Variants in ABCC6 observed in about 807,000 individuals in gnomAD.
The protein encoded by ABCC6 is ATP-binding cassette sub-family C member 6.
In ABCC6, 126 loss-of-function variants were observed where a neutral mutation model predicts 169.5. That is an observed-to-expected ratio of 0.74 (90% CI 0.64 to 0.86). The LOEUF (loss-of-function observed/expected upper bound fraction) is 0.86. ABCC6 is among the 40% of genes least tolerant of loss of function. The probability of loss-of-function intolerance (pLI) is 0.00; values close to 1 mark genes in which losing one functional copy is unlikely to be tolerated. For missense variants in ABCC6, 1,733 were observed against 1,927.2 expected (o/e 0.90, Z 1.89); for synonymous variants, 752 against 814.7 (o/e 0.92, Z 1.31).
rs2046864174 is a variant in ABCC6, at chr16:16,166,036, A to G, written c.2996-103T>C. 15 of 1,184,390 alleles carry G rather than the reference A, an allele frequency of 1.3e-5. 1 individual carries two copies. In the South Asian group the frequency reaches 2.0e-4, roughly 16 times the overall value. 73.4% of individuals were successfully genotyped at this position (1,184,390 alleles called of 1,614,324 possible). A position where few individuals can be genotyped will look rare whatever the true frequency, so the allele number is the denominator to read the frequency against. On this transcript the variant is annotated intron_variant, in intron 22 of 30. Coordinates refer to ENST00000205557, the MANE Select transcript of ABCC6 (RefSeq NM_001171.6). Reference sequence around the variant, plus strand: ...CCCGCTACCCCATGGTGGACATCTTATGGCTTGGCCACCCTGATTATTATA... The same window carrying G: ...CCCGCTACCCCATGGTGGACATCTTGTGGCTTGGCCACCCTGATTATTATA...
At chr16:16,170,213 G>A (rs762844632) in intron 21 of ABCC6, among the ~76,000 whole-genome samples, 6 of 151,492 alleles carry the variant, frequency 4.0e-5, no homozygotes, top group East Asian at 1.9e-4. Context: ...TAATCCCCCC[G>A]CCTCAGCCTC....
intron 11 of ABCC6, among the ~76,000 whole-genome samples, chr16:16,192,215 G>A (rs571357207): frequency 1.3e-5 from 2 of 152,268 alleles, no homozygotes; most frequent in South Asian, 2.1e-4. Flanking sequence ...GTGAGATCGG[G>A]CAGGTTTGAG....
At chr16:16,211,057 T>C (rs1314234340) in intron 6 of ABCC6, among the ~76,000 whole-genome samples, 4 of 150,340 alleles carry the variant, frequency 2.7e-5, no homozygotes, top group African/African-American at 9.8e-5. Context: ...ATTGTGCCAT[T>C]GCACTGCAGC....
chr16:16,170,939 AAAG>A lies in ABCC6; in HGVS notation c.2788-1089_2788-1087del, dbSNP rs1335506835. Among the ~76,000 whole-genome samples, 33 of 111,424 alleles carry A rather than the reference AAAG, an allele frequency of 3.0e-4. 1 individual carries two copies. Among genetic ancestry groups the A allele is most frequent in the African/African-American group, 9.2e-4 (27 of 29,224 alleles). The allele number at this position is 111,424 out of a possible 152,430, so 73.1% of individuals were successfully genotyped here. A position where few individuals can be genotyped will look rare whatever the true frequency, so the allele number is the denominator to read the frequency against. On this transcript the variant is annotated intron_variant, in intron 21 of 30. Transcript: ENST00000205557. ...TGTCTCAAAAAAAAAAAAAAAAAAA[AAAG>A]AAAGAAAGAAAGAAAGAAAGAAAGA...
chr16:16,190,454 C>G, intron 11 of ABCC6, 87 bp from the exon 12 acceptor site: 1 of 1,463,108 alleles, frequency 6.8e-7, no homozygotes, highest in Non-Finnish European at 9.4e-7. Context: ...CAGCAAATCC[C>G]ATTCATCTCA....
chr16:16,150,377 G>C, intron 30 of ABCC6, 136 bp from the exon 31 acceptor site: 1 of 1,535,028 alleles, frequency 6.5e-7, no homozygotes, highest in Non-Finnish European at 8.8e-7. Context: ...GGCCCTCACA[G>C]CTGGGTTGGA....
At chr16:16,180,640 G>A (rs975713632) in intron 17 of ABCC6, among the ~76,000 whole-genome samples, 1 of 151,362 alleles carries the variant, frequency 6.6e-6, no homozygotes, top group Non-Finnish European at 1.5e-5. Context: ...TTACAGGTAC[G>A]CCACCATGCC....
intron 21 of ABCC6, among the ~76,000 whole-genome samples, chr16:16,171,822 G>A (rs1301744340): frequency 6.8e-6 from 1 of 148,110 alleles, no homozygotes. Flanking sequence ...TGGGTGGGAT[G>A]GATGGATAAA....
chr16:16,162,947 G>A, intron 24 of ABCC6, 46 bp downstream of exon 24: 4 of 1,611,352 alleles, frequency 2.5e-6, no homozygotes, highest in South Asian at 1.1e-5. Flanking sequence ...CACCCTCTAA[G>A]GATATGGATG....
In ABCC6 at chr16:16,200,159, C is replaced by T. The variant is rs142299984; in HGVS notation, c.1176+1842G>A. Among the ~76,000 whole-genome samples, 1,183 of 152,042 alleles carry T rather than the reference C, an allele frequency of 7.8e-3. 16 individuals carry two copies. The highest frequency in any genetic ancestry group is 0.028 in the African/African-American group (1,142 of 41,460). On this transcript the variant is annotated intron_variant, in intron 9 of 30. Coordinates refer to ENST00000205557, the MANE Select transcript of ABCC6 (RefSeq NM_001171.6). ...ATAAAAAAGTAGCCCAGGCTGAGCGCGTTGGCTCATGTCTGTAATCCCAGC... is the reference window on the plus strand; with the variant it reads ...ATAAAAAAGTAGCCCAGGCTGAGCGTGTTGGCTCATGTCTGTAATCCCAGC...
At chr16:16,161,335 A>G in intron 25 of ABCC6, 103 bp downstream of exon 25, 3 of 1,553,984 alleles carry the variant, frequency 1.9e-6, no homozygotes, top group Non-Finnish European at 2.6e-6. Context: ...TCCACACACC[A>G]TGTTGGTTTG....
intron 15 of ABCC6, 134 bp downstream of exon 15, chr16:16,184,825 C>A (rs2047595231): frequency 7.3e-6 from 7 of 959,570 alleles, no homozygotes; most frequent in Non-Finnish European, 1.2e-5. Context: ...CCCGGCAGAG[C>A]CCCAGCCCAG....
chr16:16,179,700 C>T lies in ABCC6; in HGVS notation c.2248-735G>A, dbSNP rs8061147. On this transcript the variant is annotated intron_variant, in intron 17 of 30. Coordinates refer to ENST00000205557, the MANE Select transcript of ABCC6 (RefSeq NM_001171.6). ...CTGCCTCCTGGGTTCAAGCAATTCT[C>T]CTGCCTCAGCCTCCTGAGTAGCTGG... is the stretch of plus-strand genomic sequence containing the variant. Among the ~76,000 whole-genome samples, 1,108 of 152,310 alleles carry T rather than the reference C, an allele frequency of 7.3e-3. 17 individuals carry two copies. Among genetic ancestry groups the T allele is most frequent in the African/African-American group, 0.025 (1,043 of 41,564 alleles).
chr16:16,185,762 A>G (rs2047638309), intron 14 of ABCC6, among the ~76,000 whole-genome samples: 1 of 143,124 alleles, frequency 7.0e-6, no homozygotes, highest in Admixed American at 7.1e-5. Context: ...TCCAGCCTGG[A>G]TGACGGAGTA....
rs191493776 is a variant in ABCC6 at position 16,154,011 on chromosome 16, G to A, written c.4208+617C>T. Among the ~76,000 whole-genome samples the A allele has an allele frequency of 1.3e-3, 204 of 151,938 alleles. 1 individual carries two copies. The highest frequency in any genetic ancestry group is 2.2e-3 in the Non-Finnish European group (149 of 67,948). On this transcript the variant is annotated intron_variant, in intron 29 of 30. Transcript: ENST00000205557. ...GAAGCCCAGGATGGAGTGCAGTGGT[G>A]CAATATCGGCTCACTGCAACCTTCG...
intron 6 of ABCC6, among the ~76,000 whole-genome samples, chr16:16,209,769 T>A (rs1049740581): frequency 2.6e-5 from 4 of 151,850 alleles, no homozygotes; most frequent in African/African-American, 9.7e-5. Flanking sequence ...CCTGGCTAAT[T>A]TTTGTGTTTT....
In ABCC6 at chr16:16,154,815, G is replaced by C. The variant is rs57734166; in HGVS notation, c.4042-21C>G. The C allele has an allele frequency of 2.4e-5, 38 of 1,608,398 alleles. No individual in the cohort carries two copies. In the African/African-American group the frequency reaches 3.9e-4, roughly 16 times the overall value. ...GGGTCCTGGCGGGGAGGGGCGGTGG[G>C]TCAGAGCCGGGTCCCACCATGCCTC... On this transcript the variant is annotated intron_variant, in intron 28 of 30. Transcript: ENST00000205557.
chr16:16,213,575 T>C (rs1287119293), intron 5 of ABCC6, among the ~76,000 whole-genome samples: 8 of 149,788 alleles, frequency 5.3e-5, no homozygotes, highest in Non-Finnish European at 8.9e-5. Context: ...TTTTTTTTTT[T>C]TTTTGGTGGA....
intron 29 of ABCC6, among the ~76,000 whole-genome samples, chr16:16,154,023 C>T (rs1028760003): frequency 6.6e-6 from 1 of 151,884 alleles, no homozygotes; most frequent in East Asian, 1.9e-4. Context: ...AATATCGGCT[C>T]ACTGCAACCT....
Sources: allele counts gnomAD v4.1 joint callset (sites outside exome capture counted in the v4.1 genomes callset), GRCh38; gene constraint gnomAD v4.1.1; transcripts MANE v1.5; gene names NCBI Gene and HGNC (gene_info 2026-07-23, HGNC 2026-07-21).